Variants in AKAP11 observed in about 807,000 individuals in gnomAD.
The protein encoded by AKAP11 is A-kinase anchoring protein 11, also known as A-kinase anchor protein 11.
AKAP11 carries 36 observed loss-of-function variants against 146.1 expected under a neutral mutation model. The ratio of observed to expected loss-of-function variants is 0.25; its 90% CI spans 0.19 to 0.33. The LOEUF is 0.33. AKAP11 is among the 10% of genes least tolerant of loss of function. AKAP11 has a pLI of 1.00. For synonymous variants in AKAP11, 780 were observed against 786.5 expected (o/e 0.99, Z 0.14); for missense variants, 2,201 against 2,197.0 (o/e 1.00, Z -0.04).
intron 3 of AKAP11, among the ~76,000 whole-genome samples, chr13:42,290,607 G>C (rs1218219473): frequency 1.3e-5 from 2 of 152,074 alleles, no homozygotes; most frequent in African/African-American, 4.8e-5. Context: ...AGCATTTTTA[G>C]GTAAAGGAGC....
intron 9 of AKAP11, among the ~76,000 whole-genome samples, chr13:42,309,895 A>G (rs1960467160): frequency 6.6e-6 from 1 of 152,138 alleles, no homozygotes; most frequent in Non-Finnish European, 1.5e-5. Flanking sequence ...CATTAAGAGG[A>G]CTTGTAGTCA....
chr13:42,285,136 G>T (rs772437195), intron 1 of AKAP11, among the ~76,000 whole-genome samples: 1 of 152,148 alleles, frequency 6.6e-6, no homozygotes, highest in African/African-American at 2.4e-5. Context: ...TTGTTTTTGC[G>T]TATAAATCTC....
Position 42,303,698 on chromosome 13 carries a change from C to G in AKAP11, c.4952C>G (p.Ala1651Gly). 6.2e-7 allele frequency: 1 copy of G among 1,614,116 alleles called. No homozygotes were observed. Residue 1651 changes from alanine to glycine, a missense_variant, in exon 8 of 13, where the codon GCT becomes GGT. Around this residue, in one of 3 missense-constraint regions of AKAP11, gnomAD observed 1,867 missense variants for 1,833.5 expected, o/e 1.02. Coordinates refer to ENST00000025301, the MANE Select transcript of AKAP11 (RefSeq NM_016248.4). Reference protein sequence around the residue: ...HVNLDKKAVLAEKIVAEAIEK... With the variant: ...HVNLDKKAVLGEKIVAEAIEK... ...AATCTTGATAAGAAGGCAGTGCTTG[C>G]TGAGAAGATAGTTGCTGAAGCCATT...
At chr13:42,312,890 T>C (rs1211711621) in intron 9 of AKAP11, among the ~76,000 whole-genome samples, 157 bp from the exon 10 acceptor site, 1 of 152,234 alleles carries the variant, frequency 6.6e-6, no homozygotes, top group Non-Finnish European at 1.5e-5. Context: ...CCTTTTAGCA[T>C]AGGAGTGATG....
intron 6 of AKAP11, among the ~76,000 whole-genome samples, chr13:42,297,787 ATTAT>A (rs1483214207): frequency 1.3e-5 from 2 of 151,966 alleles, no homozygotes; most frequent in East Asian, 3.8e-4. Context: ...TAAAATTTGG[ATTAT>A]TTTAGTTTTA....
intron 8 of AKAP11, among the ~76,000 whole-genome samples, chr13:42,305,620 A>C (rs975202246): frequency 1.3e-5 from 2 of 152,194 alleles, no homozygotes; most frequent in African/African-American, 4.8e-5. Context: ...TTATTGGGAC[A>C]CCACCATGCT....
intron 3 of AKAP11, among the ~76,000 whole-genome samples, chr13:42,290,474 C>T (rs970282829): frequency 6.6e-6 from 1 of 152,154 alleles, no homozygotes; most frequent in Admixed American, 6.5e-5. Flanking sequence ...GTATGAGTGT[C>T]CTTTTCCCCA....
chr13:42,292,644 C>T (rs566301173), intron 4 of AKAP11, 143 bp downstream of exon 4: 10 of 452,254 alleles, frequency 2.2e-5, no homozygotes, highest in African/African-American at 1.2e-4. Flanking sequence ...GTTTTGTGGG[C>T]GGGAGAGGGG....
rs142430379 is a variant in AKAP11 at position 42,298,575 on chromosome 13, A to G, written c.394A>G (p.Thr132Ala). Residue 132 changes from threonine (T) to alanine (A), a missense_variant, in exon 7 of 13, where the codon ACA (threonine) becomes GCA (alanine). Around this residue, in one of 3 missense-constraint regions of AKAP11, gnomAD observed 331 missense variants for 347.4 expected, o/e 0.95. Coordinates refer to ENST00000025301, the MANE Select transcript of AKAP11 (RefSeq NM_016248.4). ...GCTTTGTGTCATGAGAGTGTCACCT[A>G]CATCACCAAGACTTAGGATTGATTT... is the stretch of plus-strand genomic sequence containing the variant. ...GMLCVMRVSP[T>A]SPRLRIDFIF... 25 of 1,612,334 alleles carry G rather than the reference A, an allele frequency of 1.6e-5. No homozygotes were observed. Among genetic ancestry groups the G allele is most frequent in the Non-Finnish European group, 2.0e-5 (23 of 1,179,300 alleles).
chr13:42,299,891 A>G lies in AKAP11; in HGVS notation c.1145A>G (p.Lys382Arg). The G allele has an allele frequency of 6.2e-7, 1 of 1,614,000 alleles. No homozygotes were observed. The highest frequency in any genetic ancestry group is 2.2e-5 in the East Asian group (1 of 44,884). Residue 382 changes from lysine (K) to arginine (R), a missense_variant, in exon 8 of 13, where the codon AAG becomes AGG. Lys to Arg is a conservative substitution (Grantham distance 26). Coordinates refer to ENST00000025301, the MANE Select transcript of AKAP11 (RefSeq NM_016248.4). ...CLFNKDPVIG[K>R]SSQRKGHKHG... ...TTTAACAAAGATCCCGTCATAGGGA[A>G]GTCATCGCAGAGGAAAGGGCACAAA...
Position 42,299,556 on chromosome 13 carries a change from A to G in AKAP11, c.810A>G (p.Thr270=). 1 of 1,614,032 alleles carries G rather than the reference A, an allele frequency of 6.2e-7. No homozygotes were observed. The highest frequency in any genetic ancestry group is 8.5e-7 in the Non-Finnish European group (1 of 1,179,898). Residue 270 remains threonine (T), a synonymous_variant, in exon 8 of 13, where the codon ACA becomes ACG. Transcript: ENST00000025301. ...CTTCTGTGAAAACTTCAGTCACAAC[A>G]TCAATTTCAGAGCCTTGGACCCAAA... ...ELPSVKTSVT[T]SISEPWTQRS...
Position 42,319,405 on chromosome 13 carries a change from T to C in AKAP11, c.*177T>C, listed in dbSNP as rs1432145517. ...ACTCGGTGTATATAGTTCATACTTT[T>C]GTAATCTGTCAAAATACTACCTTCA... On this transcript the variant is annotated 3_prime_UTR_variant, in exon 13 of 13. Coordinates refer to ENST00000025301, the MANE Select transcript of AKAP11 (RefSeq NM_016248.4). 1 of 762,348 alleles carries C rather than the reference T, an allele frequency of 1.3e-6. No individual in the cohort carries two copies. Among genetic ancestry groups the C allele is most frequent in the Admixed American group, 3.2e-5 (1 of 31,602 alleles). The allele number at this position is 762,348 out of a possible 1,614,324, so 47.2% of individuals were successfully genotyped here. A position where few individuals can be genotyped will look rare whatever the true frequency, so the allele number is the denominator to read the frequency against.
intron 10 of AKAP11, 46 bp downstream of exon 10, chr13:42,313,176 T>TA (rs756867566): frequency 7.4e-7 from 1 of 1,359,590 alleles, no homozygotes; most frequent in Non-Finnish European, 1.0e-6. Flanking sequence ...CTGTCACCAC[T>TA]AATGCATGAT....
Position 42,303,770 on chromosome 13 carries a change from G to A in AKAP11, c.5024G>A (p.Ser1675Asn). The change falls in exon 8 of 13, where the codon AGT becomes AAT. Residue 1675 changes from serine to asparagine, a missense_variant. Transcript: ENST00000025301. ...AGCAGTACCAGCCTGGCAGCCGACA[G>A]TGGGATCGGACAGGAGGGTGCCAGC... ...ELSSTSLAAD[S>N]GIGQEGASFA... 1 of 1,614,176 alleles carries A rather than the reference G, an allele frequency of 6.2e-7. No homozygotes were observed. The highest frequency in any genetic ancestry group is 8.5e-7 in the Non-Finnish European group (1 of 1,180,014).
rs145024901 is a variant in AKAP11 at position 42,317,547 on chromosome 13, G to A, written c.5424G>A (p.Lys1808=). The A allele has an allele frequency of 6.2e-7, 1 of 1,613,680 alleles. No individual in the cohort carries two copies. The highest frequency in any genetic ancestry group is 8.5e-7 in the Non-Finnish European group (1 of 1,179,878). ...DEVEGLGQDG[K]TLLITNIDME... is the part of the protein sequence containing the mutation. ...TATTAGGTTTGGGGCAAGATGGAAA[G>A]ACACTGCTAATTACGAATATTGACA... The change falls in exon 12 of 13, where the codon AAG becomes AAA. Residue 1808 remains lysine, a synonymous_variant. Transcript: ENST00000025301.
chr13:42,272,274 G>A (rs923219633), intron 1 of AKAP11, 46 bp downstream of exon 1: 23 of 152,462 alleles, frequency 1.5e-4, no homozygotes, highest in Non-Finnish European at 3.1e-4. Flanking sequence ...GCGTTTAGAT[G>A]GGGTGGCGGC....
chr13:42,290,266 C>G (rs1959195477), intron 3 of AKAP11, among the ~76,000 whole-genome samples: 1 of 152,102 alleles, frequency 6.6e-6, no homozygotes, highest in Admixed American at 6.5e-5. Context: ...ATTTGTTTTT[C>G]CCTGTAATTA....
intron 1 of AKAP11, among the ~76,000 whole-genome samples, chr13:42,281,521 A>G (rs571029926): frequency 1.4e-4 from 21 of 152,356 alleles, no homozygotes; most frequent in African/African-American, 4.6e-4. Flanking sequence ...GGTGATGTCA[A>G]CTTGAACATT....
In AKAP11 at chr13:42,301,243, C is replaced by A; in HGVS notation, c.2497C>A (p.Leu833Ile). The change falls in exon 8 of 13, where the codon CTC (leucine) becomes ATC (isoleucine). Residue 833 changes from leucine (L) to isoleucine (I), a missense_variant. Coordinates refer to ENST00000025301, the MANE Select transcript of AKAP11 (RefSeq NM_016248.4). ...TKNREEKAAC[L>I]RNICLPSEHN... The stretch of plus-strand genomic sequence containing the variant: ...AAACAGAGAAGAAAAAGCAGCTTGT[C>A]TCAGAAATATTTGTTTACCTTCAGA... The A allele has an allele frequency of 6.2e-7, 1 of 1,613,918 alleles. No individual in the cohort carries two copies. Among genetic ancestry groups the A allele is most frequent in the Non-Finnish European group, 8.5e-7 (1 of 1,179,956 alleles).
Sources: allele counts gnomAD v4.1 joint callset (sites outside exome capture counted in the v4.1 genomes callset), GRCh38; gene constraint gnomAD v4.1.1; regional missense constraint gnomAD v4.1.1; transcripts MANE v1.5; gene names NCBI Gene and HGNC (gene_info 2026-07-23, HGNC 2026-07-21).